The following LRCH2 variants were observed in gnomAD, a reference collection of about 807,000 sequenced individuals.
LRCH2 encodes leucine rich repeats and calponin homology domain containing 2.
A neutral mutation model predicts 68.9 loss-of-function variants in LRCH2; 38 were observed. The observed-to-expected ratio is 0.55, with a 90% CI of 0.43 to 0.72. The LOEUF (loss-of-function observed/expected upper bound fraction) is 0.72. LRCH2 is among the 30% of genes least tolerant of loss of function. The pLI is 0.00. For missense variants in LRCH2, 528 were observed against 572.9 expected, an observed-to-expected ratio of 0.92 and a Z score of 0.80; for synonymous variants, 191 against 208.1, an observed-to-expected ratio of 0.92 and a Z score of 0.71.
chrX:115,134,528 C>A (rs1318019146), intron 14 of LRCH2, among the ~76,000 whole-genome samples: 3 of 111,855 alleles, frequency 2.7e-5, no homozygotes, highest in Admixed American at 9.5e-5. Context: ...TTTAACGATT[C>A]CAAAACTCCT....
At position 115,124,004 on chromosome X, in the gene LRCH2, T is replaced by TA. The variant is rs782433874; in HGVS notation, c.1792-3dup. 366 of 1,008,835 alleles carry TA rather than the reference T, an allele frequency of 3.6e-4. No homozygotes were observed. Among genetic ancestry groups the TA allele is most frequent in the Middle Eastern group, 7.9e-4 (2 of 2,535 alleles). 83.1% of individuals were successfully genotyped at this position (1,008,835 alleles called of 1,213,427 possible). A position where few individuals can be genotyped will look rare whatever the true frequency, so the allele number is the denominator to read the frequency against. On this transcript the variant is annotated splice_region_variant and splice_polypyrimidine_tract_variant and intron_variant, in intron 16 of 20. Coordinates refer to ENST00000317135, the MANE Select transcript of LRCH2 (RefSeq NM_020871.4). ...AAAACCATCAGTTCTGTCATATTCC[T>TA]AAAAAAAAATTAAAAAGTTAAAAAT...
chrX:115,191,919 C>T (rs1272594214), intron 1 of LRCH2: 6 of 1,160,313 alleles, frequency 5.2e-6, no homozygotes, highest in East Asian at 6.6e-5. Context: ...GTCACTCTCT[C>T]GATGCCAACA....
chrX:115,113,342 A>T lies in LRCH2; in HGVS notation c.2179-7T>A, dbSNP rs782023263. 8.6e-7 allele frequency: 1 copy of T among 1,158,084 alleles called. No individual in the cohort carries two copies. The highest frequency in any genetic ancestry group is 3.0e-5 in the East Asian group (1 of 33,015). ...GAGGCAAACAAAGTCTTTCCTGGAGAAAAAAAAGAGATATTTGAACATTCA... is the reference window on the plus strand; with the variant it reads ...GAGGCAAACAAAGTCTTTCCTGGAGTAAAAAAAGAGATATTTGAACATTCA... On this transcript the variant is annotated splice_region_variant and splice_polypyrimidine_tract_variant and intron_variant, in intron 20 of 20. Transcript: ENST00000317135.
intron 5 of LRCH2, among the ~76,000 whole-genome samples, chrX:115,178,720 T>C (rs1307591990): frequency 8.9e-6 from 1 of 111,957 alleles, no homozygotes; most frequent in Non-Finnish European, 1.9e-5. Context: ...GAGTGGAATG[T>C]ACTTTTGTAG....
At chrX:115,190,491 A>C in intron 1 of LRCH2, 2 of 1,167,037 alleles carry the variant, frequency 1.7e-6, no homozygotes, top group Admixed American at 2.6e-5. Flanking sequence ...AGGCCTTGCC[A>C]GTCGTCTTGC....
At chrX:115,130,395 GTTATAAGTACT>G (rs2072233446) in intron 14 of LRCH2, among the ~76,000 whole-genome samples, 196 bp from the exon 15 acceptor site, 1 of 111,860 alleles carries the variant, frequency 8.9e-6, no homozygotes, top group African/African-American at 3.2e-5. Context: ...GCAAGGCATT[GTTATAAGTACT>G]TTATACAGAT....
intron 16 of LRCH2, among the ~76,000 whole-genome samples, chrX:115,125,749 C>T (rs781790056): frequency 7.9e-5 from 8 of 101,850 alleles, no homozygotes; most frequent in African/African-American, 2.2e-4. Context: ...AATCATATAT[C>T]AAGCAGACAA....
At chrX:115,209,193 G>C (rs1326393763) in intron 1 of LRCH2, among the ~76,000 whole-genome samples, 2 of 112,361 alleles carry the variant, frequency 1.8e-5, no homozygotes, top group Admixed American at 1.9e-4. Context: ...ACTTTGCATA[G>C]ATTATTTCTA....
In LRCH2 at chrX:115,184,479, C is replaced by A; in HGVS notation, c.553G>T (p.Val185Phe). The stretch of plus-strand genomic sequence containing the variant: ...GATACCAGTTTATTATTACTGACGA[C>A]CAAAACTTTAAGGGGAAGATCAAAT... ...YLFDLPLKVL[V>F]VSNNKLVSIP... Residue 185 changes from valine (V) to phenylalanine (F), a missense_variant, in exon 3 of 21, where the codon GTC becomes TTC. Physicochemically the swap from Val to Phe is conservative, Grantham distance 50 (BLOSUM62 -1). Coordinates refer to ENST00000317135, the MANE Select transcript of LRCH2 (RefSeq NM_020871.4). 1 of 1,187,860 alleles carries A rather than the reference C, an allele frequency of 8.4e-7. No individual in the cohort carries two copies. The highest frequency in any genetic ancestry group is 1.9e-5 in the South Asian group (1 of 51,694).
chrX:115,168,784 A>T (rs186102633), intron 6 of LRCH2, among the ~76,000 whole-genome samples: 7 of 111,123 alleles, frequency 6.3e-5, no homozygotes, highest in African/African-American at 2.3e-4. Context: ...ATTCTCCTAT[A>T]AGCCAAAATA....
At chrX:115,227,068 T>A in intron 1 of LRCH2, among the ~76,000 whole-genome samples, 1 of 111,089 alleles carries the variant, frequency 9.0e-6, no homozygotes. Context: ...TGTAGGATGC[T>A]TGGCAGCATC....
chrX:115,170,843 G>A (rs1300558568), intron 5 of LRCH2, among the ~76,000 whole-genome samples: 1 of 111,239 alleles, frequency 9.0e-6, no homozygotes, highest in Non-Finnish European at 1.9e-5. Context: ...GAACCACTAA[G>A]ATGTTTGGCA....
chrX:115,122,973 T>C, intron 18 of LRCH2, 76 bp from the exon 19 acceptor site: 5 of 1,086,652 alleles, frequency 4.6e-6, no homozygotes, highest in Non-Finnish European at 5.0e-6. Flanking sequence ...AATTGTTGTA[T>C]ATCCAAACAT....
At chrX:115,184,877 C>A (rs1484619566) in intron 2 of LRCH2, among the ~76,000 whole-genome samples, 1 of 111,945 alleles carries the variant, frequency 8.9e-6, no homozygotes, top group Non-Finnish European at 1.9e-5. Flanking sequence ...ACTCCACACA[C>A]CATCAGTTCT....
intron 12 of LRCH2, among the ~76,000 whole-genome samples, chrX:115,151,115 T>C: frequency 9.0e-6 from 1 of 111,643 alleles, no homozygotes; most frequent in Non-Finnish European, 1.9e-5. Flanking sequence ...AAGTATTTTT[T>C]GGTTTGTTTT....
intron 17 of LRCH2, among the ~76,000 whole-genome samples, chrX:115,123,424 C>A (rs782684659): frequency 3.6e-5 from 4 of 112,083 alleles, no homozygotes; most frequent in Non-Finnish European, 7.5e-5. Flanking sequence ...CTTATTCAAA[C>A]ATACGTTATT....
At chrX:115,146,370 G>C (rs2072382560) in intron 14 of LRCH2, among the ~76,000 whole-genome samples, 1 of 110,531 alleles carries the variant, frequency 9.0e-6, no homozygotes, top group Non-Finnish European at 1.9e-5. Context: ...ATAGCGCAAT[G>C]GGGTGACTAT....
At chrX:115,215,469 A>T (rs2073034948) in intron 1 of LRCH2, among the ~76,000 whole-genome samples, 2 of 111,169 alleles carry the variant, frequency 1.8e-5, no homozygotes, top group African/African-American at 6.5e-5. Flanking sequence ...TAATTTGGCC[A>T]GGTGCAGTGG....
At position 115,149,911 on chromosome X, in the gene LRCH2, T is replaced by C. The variant is rs1455615359; in HGVS notation, c.1611A>G (p.Glu537=). The C allele has an allele frequency of 1.1e-5, 13 of 1,201,730 alleles. No homozygotes were observed. The highest frequency in any genetic ancestry group is 1.5e-5 in the Non-Finnish European group (13 of 890,179). The change falls in exon 14 of 21, where the codon GAA becomes GAG. Residue 537 remains glutamate, a synonymous_variant. Coordinates refer to ENST00000317135, the MANE Select transcript of LRCH2 (RefSeq NM_020871.4). ...TAGGGTGAGATTCTGGCCACGGTTGTTCATCTATTTGATCCTTCTGATTTT... is the reference window on the plus strand; with the variant it reads ...TAGGGTGAGATTCTGGCCACGGTTGCTCATCTATTTGATCCTTCTGATTTT... ...PLENQKDQID[E]QPWPESHPII...
Sources: gnomAD v4.1 joint callset for allele counts (sites outside exome capture counted in the v4.1 genomes callset) on GRCh38, gnomAD v4.1.1 for gene constraint, MANE v1.5 for transcripts, NCBI Gene and HGNC (gene_info 2026-07-23, HGNC 2026-07-21) for gene names.